The following SLIT2 variants were observed in gnomAD, a reference collection of about 807,000 sequenced individuals.
SLIT2 encodes slit homolog 2 protein.
In SLIT2, 41 loss-of-function variants were observed where a neutral mutation model predicts 185.7. The ratio of observed to expected loss-of-function variants is 0.22; its 90% confidence interval spans 0.17 to 0.29. The LOEUF (loss-of-function observed/expected upper bound fraction) is 0.29. Ranked by LOEUF, SLIT2 falls within the 10% of genes least tolerant of loss-of-function variation. SLIT2 has a pLI of 1.00. For synonymous variants in SLIT2, 693 were observed against 680.2 expected, an observed-to-expected ratio of 1.02 and a Z score of -0.29; for missense variants, 1,571 against 1,909.0, an observed-to-expected ratio of 0.82 and a Z score of 3.30.
chr4:20,477,766 A>G (rs1420540755), intron 5 of SLIT2, among the ~76,000 whole-genome samples: 3 of 152,190 alleles, frequency 2.0e-5, no homozygotes, highest in Non-Finnish European at 4.4e-5. Context: ...AATTTACACT[A>G]TGTCTTAGTG....
intron 4 of SLIT2, among the ~76,000 whole-genome samples, chr4:20,319,758 G>A (rs1204353750): frequency 6.6e-6 from 1 of 150,786 alleles, no homozygotes; most frequent in South Asian, 2.1e-4. Flanking sequence ...TCTGATTTTA[G>A]AGTCAGAGGA....
chr4:20,388,792 A>AATAT (rs1553892031), intron 4 of SLIT2, among the ~76,000 whole-genome samples: 29 of 132,064 alleles, frequency 2.2e-4, no homozygotes, highest in South Asian at 4.6e-4. Context: ...AAAAAAAAAA[A>AATAT]ATATATATAT....
intron 4 of SLIT2, among the ~76,000 whole-genome samples, chr4:20,330,865 A>ATATATTAG (rs1720005359): frequency 6.6e-6 from 1 of 152,110 alleles, no homozygotes; most frequent in African/African-American, 2.4e-5. Context: ...TTAAGGAAAG[A>ATATATTAG]GACATCCTAA....
intron 15 of SLIT2, among the ~76,000 whole-genome samples, chr4:20,527,246 C>G (rs773401181): frequency 6.6e-6 from 1 of 151,960 alleles, no homozygotes. Flanking sequence ...ATATGGCACT[C>G]TACATATTAC....
In SLIT2 at chr4:20,310,041, G is replaced by A. The variant is rs534849325; in HGVS notation, c.395+41160G>A. Among the ~76,000 whole-genome samples the A allele has an allele frequency of 4.7e-3, 714 of 152,170 alleles. 14 individuals carry two copies. The highest frequency in any genetic ancestry group is 5.6e-3 in the Non-Finnish European group (382 of 67,986). On this transcript the variant is annotated intron_variant, in intron 4 of 36. Transcript: ENST00000504154. ...CTCCCCAAGTGCTGGGATTACAGGC[G>A]TGAGCCACCGCGTCCGGCCCCTCTA...
chr4:20,593,788 T>C (rs1440318343), intron 30 of SLIT2, among the ~76,000 whole-genome samples: 1 of 151,994 alleles, frequency 6.6e-6, no homozygotes, highest in Non-Finnish European at 1.5e-5. Context: ...AAATCTAGAA[T>C]AAAATAAAGT....
chr4:20,370,505 G>T (rs1723484644), intron 4 of SLIT2, among the ~76,000 whole-genome samples: 3 of 152,078 alleles, frequency 2.0e-5, no homozygotes, highest in Non-Finnish European at 4.4e-5. Flanking sequence ...CCTGAAACCA[G>T]CAACACTATT....
rs1715630022 is a variant in SLIT2, at chr4:20,472,603, GATATATCTAT to G, written c.467+4788_467+4797del. On this transcript the variant is annotated intron_variant, in intron 5 of 36. Transcript: ENST00000504154. Reference sequence around the variant, plus strand: ...ATCTATATATAGATATATATCTATAGATATATCTATATATATCGATATATCTATATATATC... The same window carrying G: ...ATCTATATATAGATATATATCTATAGATATATCGATATATCTATATATATC... Among the ~76,000 whole-genome samples, 2 of 7,430 alleles carry G rather than the reference GATATATCTAT, an allele frequency of 2.7e-4. 1 individual carries two copies. Among genetic ancestry groups the G allele is most frequent in the Non-Finnish European group, 4.7e-4 (2 of 4,268 alleles). 4.9% of individuals were successfully genotyped at this position (7,430 alleles called of 152,430 possible).
intron 4 of SLIT2, among the ~76,000 whole-genome samples, chr4:20,314,483 G>A (rs933921325): frequency 2.0e-5 from 3 of 152,106 alleles, no homozygotes; most frequent in African/African-American, 7.2e-5. Flanking sequence ...TGAGATACAT[G>A]ACTTAATAAA....
At chr4:20,399,932 G>A (rs1388366196) in intron 4 of SLIT2, among the ~76,000 whole-genome samples, 1 of 151,702 alleles carries the variant, frequency 6.6e-6, no homozygotes, top group Non-Finnish European at 1.5e-5. Context: ...GATGGATGAG[G>A]ATAATGTTGT....
intron 4 of SLIT2, among the ~76,000 whole-genome samples, chr4:20,328,031 T>G (rs1719745267): frequency 6.6e-6 from 1 of 152,066 alleles, no homozygotes; most frequent in African/African-American, 2.4e-5. Context: ...ACAGGACTCC[T>G]GAGAATGCAG....
chr4:20,544,687 T>C (rs985407140), intron 21 of SLIT2, among the ~76,000 whole-genome samples: 7 of 152,138 alleles, frequency 4.6e-5, no homozygotes, highest in African/African-American at 1.4e-4. Flanking sequence ...TTAAAGACTT[T>C]GGCAAAAATT....
intron 4 of SLIT2, among the ~76,000 whole-genome samples, chr4:20,408,257 G>A (rs1013170073): frequency 1.3e-5 from 2 of 152,118 alleles, no homozygotes; most frequent in Non-Finnish European, 2.9e-5. Flanking sequence ...CCAGATGATA[G>A]GAGAAAGAAG....
chr4:20,506,081 ATG>A (rs150665623), intron 9 of SLIT2, among the ~76,000 whole-genome samples: 13,490 of 152,038 alleles, frequency 0.089, 671 homozygotes, highest in Middle Eastern at 0.15. Context: ...CTTTGGTTTC[ATG>A]TGTGTGTATA....
At chr4:20,364,170 T>C (rs555536093) in intron 4 of SLIT2, 4 of 601,170 alleles carry the variant, frequency 6.7e-6, no homozygotes, top group East Asian at 1.4e-4. Flanking sequence ...AAGCAGACTT[T>C]ACACTTAGAG....
intron 4 of SLIT2, among the ~76,000 whole-genome samples, chr4:20,289,892 C>T (rs561153249): frequency 1.2e-4 from 19 of 152,268 alleles, no homozygotes; most frequent in Admixed American, 3.3e-4. Context: ...CCTCTGAGGC[C>T]TGTATACCCT....
intron 7 of SLIT2, among the ~76,000 whole-genome samples, chr4:20,486,792 C>A (rs1457490896): frequency 1.3e-5 from 2 of 152,050 alleles, no homozygotes; most frequent in Admixed American, 1.3e-4. Context: ...TTGACTACAG[C>A]TGTTTCTTTT....
In SLIT2 at chr4:20,463,513, A is replaced by ATGTGTGTGTGTG. The variant is rs202173983; in HGVS notation, c.396-4238_396-4237insGTGTGTGTGTGT. On this transcript the variant is annotated intron_variant, in intron 4 of 36. Coordinates refer to ENST00000504154, the MANE Select transcript of SLIT2 (RefSeq NM_004787.4). Reference sequence around the variant, plus strand: ...TATATGTGTGTGTGCGTATATCCATATATGTGTGTGTGTGTGTGTGTGTGT... The same window carrying ATGTGTGTGTGTG: ...TATATGTGTGTGTGCGTATATCCATATGTGTGTGTGTGTATGTGTGTGTGTGTGTGTGTGTGT... Among the ~76,000 whole-genome samples, 135 of 99,586 alleles carry ATGTGTGTGTGTG rather than the reference A, an allele frequency of 1.4e-3. 1 individual carries two copies. Among genetic ancestry groups the ATGTGTGTGTGTG allele is most frequent in the African/African-American group, 4.6e-3 (127 of 27,350 alleles). The allele number at this position is 99,586 out of a possible 152,430, so 65.3% of individuals were successfully genotyped here. A position where few individuals can be genotyped will look rare whatever the true frequency, so the allele number is the denominator to read the frequency against.
chr4:20,401,162 A>G (rs193265819), intron 4 of SLIT2, among the ~76,000 whole-genome samples: 2 of 152,026 alleles, frequency 1.3e-5, no homozygotes, highest in East Asian at 3.9e-4. Flanking sequence ...CCTGATAGAA[A>G]TGAATAAAGT....
Sources: allele counts gnomAD v4.1 joint callset (sites outside exome capture counted in the v4.1 genomes callset), GRCh38; gene constraint gnomAD v4.1.1; transcripts MANE v1.5; gene names NCBI Gene and HGNC (gene_info 2026-07-23, HGNC 2026-07-21).